Variants in SLC35D4 observed in about 807,000 individuals in gnomAD.
SLC35D4 encodes solute carrier family 35 member D4, also known as UDP-N-acetylglucosamine transporter SLC35D4.
chr18:23,414,331 A>AAGGCAGGC, the SLC35D4 span, among the ~76,000 whole-genome samples: 120 of 140,552 alleles, frequency 8.5e-4, no homozygotes, highest in African/African-American at 1.2e-3. Flanking sequence ...GGAAGGAAGG[A>AAGGCAGGC]AGGCAGGCAG....
At chr18:23,337,590 A>C in the SLC35D4 span, among the ~76,000 whole-genome samples, 2 of 152,206 alleles carry the variant, frequency 1.3e-5, no homozygotes, top group Non-Finnish European at 2.9e-5. Flanking sequence ...GAGTTTTACC[A>C]ATGGTCTTGG....
chr18:23,298,021 G>A, the SLC35D4 span: 22 of 1,613,348 alleles, frequency 1.4e-5, no homozygotes, highest in East Asian at 4.5e-5. Context: ...GAGCTCTTCC[G>A]CTCTGAGAAA....
At chr18:23,298,107 G>C in the SLC35D4 span, 1 of 1,612,446 alleles carries the variant, frequency 6.2e-7, no homozygotes, top group Non-Finnish European at 8.5e-7. Flanking sequence ...CACTCCCCCG[G>C]GACCCCTGAG....
chr18:23,325,345 A>C, the SLC35D4 span, among the ~76,000 whole-genome samples: 1 of 152,046 alleles, frequency 6.6e-6, no homozygotes, highest in Non-Finnish European at 1.5e-5. Context: ...ACAAAATATC[A>C]ATCAGAAGTA....
chr18:23,312,273 G>C, the SLC35D4 span, among the ~76,000 whole-genome samples: 1 of 152,124 alleles, frequency 6.6e-6, no homozygotes, highest in Admixed American at 6.5e-5. Flanking sequence ...CCTGTCTGCC[G>C]TGAGATAGAT....
chr18:23,419,152 T>C, the SLC35D4 span, among the ~76,000 whole-genome samples: 1 of 152,228 alleles, frequency 6.6e-6, no homozygotes, highest in Non-Finnish European at 1.5e-5. Context: ...CTTAGTTTTC[T>C]TTTCACTTTG....
the SLC35D4 span, among the ~76,000 whole-genome samples, chr18:23,284,101 C>T: frequency 2.0e-5 from 3 of 152,234 alleles, no homozygotes; most frequent in South Asian, 2.1e-4. Flanking sequence ...TAGAGTATAA[C>T]GAGCAGTGAG....
the SLC35D4 span, among the ~76,000 whole-genome samples, chr18:23,298,891 C>G: frequency 7.2e-5 from 11 of 152,208 alleles, no homozygotes; most frequent in African/African-American, 2.7e-4. Context: ...AACACCCCAG[C>G]CCTTCATACG....
At chr18:23,285,101 G>A in the SLC35D4 span, among the ~76,000 whole-genome samples, 1 of 152,172 alleles carries the variant, frequency 6.6e-6, no homozygotes, top group African/African-American at 2.4e-5. Flanking sequence ...CTGCTTTTCT[G>A]GGGGAGGGGC....
At chr18:23,279,352 C>T in the SLC35D4 span, among the ~76,000 whole-genome samples, 1 of 152,330 alleles carries the variant, frequency 6.6e-6, no homozygotes, top group Non-Finnish European at 1.5e-5. Context: ...TTCATATAAA[C>T]AGCATGGGCT....
the SLC35D4 span, among the ~76,000 whole-genome samples, chr18:23,333,272 A>T: frequency 6.6e-6 from 1 of 152,224 alleles, no homozygotes; most frequent in Non-Finnish European, 1.5e-5. Flanking sequence ...ACACAGCAAT[A>T]GCTCAATAAC....
chr18:23,293,754 A>C, the SLC35D4 span, among the ~76,000 whole-genome samples: 13 of 152,368 alleles, frequency 8.5e-5, 1 homozygote, highest in South Asian at 2.7e-3. Context: ...AAGAGAACAG[A>C]AAGAAGGGCA....
the SLC35D4 span, chr18:23,310,399 G>T: frequency 2.1e-6 from 1 of 477,688 alleles, no homozygotes. Context: ...AGGAATGGCA[G>T]CCACAGGACT....
the SLC35D4 span, among the ~76,000 whole-genome samples, chr18:23,358,646 C>T: frequency 1.3e-5 from 2 of 152,130 alleles, no homozygotes; most frequent in Non-Finnish European, 2.9e-5. Flanking sequence ...TTAGCGAGTC[C>T]TTGAGAGTGG....
the SLC35D4 span, among the ~76,000 whole-genome samples, chr18:23,432,410 C>T: frequency 6.6e-6 from 1 of 152,138 alleles, no homozygotes; most frequent in Non-Finnish European, 1.5e-5. Flanking sequence ...GCCCCATGCG[C>T]GGTGGCTCAC....
the SLC35D4 span, among the ~76,000 whole-genome samples, chr18:23,280,736 T>A: frequency 6.6e-6 from 1 of 152,164 alleles, no homozygotes. Flanking sequence ...AACAGGAGAC[T>A]GTTGTGCATA....
chr18:23,421,330 G>A, the SLC35D4 span: 4 of 1,537,474 alleles, frequency 2.6e-6, no homozygotes, highest in Non-Finnish European at 3.6e-6. Flanking sequence ...CAAGCAGAGT[G>A]TGAATCATGC....
chr18:23,359,724 C>T, the SLC35D4 span, among the ~76,000 whole-genome samples: 34 of 152,290 alleles, frequency 2.2e-4, 1 homozygote, highest in South Asian at 6.2e-3. Context: ...CACAGACACA[C>T]CAGGTAACAA....
chr18:23,311,348 C>T, the SLC35D4 span, among the ~76,000 whole-genome samples: 2 of 151,914 alleles, frequency 1.3e-5, no homozygotes, highest in African/African-American at 4.8e-5. Flanking sequence ...CCGCCTTGGC[C>T]TCCCAAAGTG....
Sources: gnomAD v4.1 joint callset for allele counts (sites outside exome capture counted in the v4.1 genomes callset) on GRCh38, gnomAD v4.1.1 for gene constraint, MANE v1.5 for transcripts, NCBI Gene and HGNC (gene_info 2026-07-23, HGNC 2026-07-21) for gene names.